Variants in C2CD3 observed in about 807,000 individuals in gnomAD.
C2CD3 encodes C2 domain-containing protein 3.
In C2CD3, 148 loss-of-function variants were observed where a neutral mutation model predicts 234.0. The observed-to-expected ratio is 0.63, with a 90% CI of 0.55 to 0.72. The LOEUF (loss-of-function observed/expected upper bound fraction) is 0.72. Ranked by LOEUF, C2CD3 falls within the 30% of genes least tolerant of loss-of-function variation. C2CD3 has a pLI of 0.00. For missense variants in C2CD3, 2,577 were observed against 2,811.5 expected (o/e 0.92, Z 1.89); for synonymous variants, 1,000 against 1,035.4 (o/e 0.97, Z 0.66).
At chr11:74,066,349 A>G (rs1416929649) in intron 24 of C2CD3, among the ~76,000 whole-genome samples, 4 of 149,760 alleles carry the variant, frequency 2.7e-5, no homozygotes, top group Non-Finnish European at 5.9e-5. Flanking sequence ...GCACATGTAT[A>G]CATATGTAAC....
chr11:74,114,173 T>C (rs1303949394), intron 10 of C2CD3, among the ~76,000 whole-genome samples: 1 of 152,232 alleles, frequency 6.6e-6, no homozygotes, highest in African/African-American at 2.4e-5. Context: ...CTGTAAGATA[T>C]GTAAGAACAG....
intron 7 of C2CD3, among the ~76,000 whole-genome samples, chr11:74,125,096 T>C (rs1282926373): frequency 6.6e-6 from 1 of 152,236 alleles, no homozygotes; most frequent in Admixed American, 6.5e-5. Flanking sequence ...AGTAGCTGAC[T>C]GACTCCTCAG....
At chr11:74,135,053 TAAAAA>T (rs768443160) in intron 5 of C2CD3, among the ~76,000 whole-genome samples, 1 of 151,826 alleles carries the variant, frequency 6.6e-6, no homozygotes, top group Non-Finnish European at 1.5e-5. Context: ...CTTAAAAACT[TAAAAA>T]AAATCCAAAA....
At chr11:74,163,313 C>T (rs1424748046) in intron 2 of C2CD3, among the ~76,000 whole-genome samples, 1 of 152,202 alleles carries the variant, frequency 6.6e-6, no homozygotes. Flanking sequence ...CTAGTACAGT[C>T]CAGTGTCTTC....
intron 14 of C2CD3, 24 bp downstream of exon 14, chr11:74,103,107 T>C: frequency 1.3e-6 from 2 of 1,586,340 alleles, no homozygotes; most frequent in Non-Finnish European, 1.7e-6. Context: ...ATTCCTCTAA[T>C]GGATATGGAA....
chr11:74,040,129 G>A (rs1952954290), intron 29 of C2CD3, among the ~76,000 whole-genome samples: 1 of 152,224 alleles, frequency 6.6e-6, no homozygotes, highest in South Asian at 2.1e-4. Context: ...TCCGCCTCCT[G>A]TCAGATCAGC....
chr11:74,066,452 G>GAAAGAAA (rs1954545049), intron 24 of C2CD3, among the ~76,000 whole-genome samples: 2 of 148,382 alleles, frequency 1.3e-5, no homozygotes, highest in Non-Finnish European at 3.0e-5. Flanking sequence ...AAGAAAGAAA[G>GAAAGAAA]AAAAAAAAAC....
At chr11:74,111,951 CACACACACACACACACACAT>C (rs933575634) in intron 11 of C2CD3, among the ~76,000 whole-genome samples, 4 of 147,614 alleles carry the variant, frequency 2.7e-5, no homozygotes, top group African/African-American at 1.0e-4. Context: ...CACACACACA[CACACACACACACACACACAT>C]ATATATATAC....
chr11:74,065,614 G>T (rs1177115940), intron 24 of C2CD3, among the ~76,000 whole-genome samples: 1 of 152,016 alleles, frequency 6.6e-6, no homozygotes. Flanking sequence ...ACATGCACAC[G>T]TATGTTTATT....
chr11:74,149,978 T>C (rs1346805704), intron 3 of C2CD3, among the ~76,000 whole-genome samples: 2 of 152,186 alleles, frequency 1.3e-5, no homozygotes, highest in African/African-American at 4.8e-5. Flanking sequence ...CTAATGTGGC[T>C]ATTGAGAAGT....
intron 31 of C2CD3, among the ~76,000 whole-genome samples, chr11:74,031,407 G>A (rs1025074960): frequency 6.6e-5 from 10 of 152,148 alleles, no homozygotes; most frequent in Non-Finnish European, 1.0e-4. Context: ...TTCACCCAGC[G>A]AGGCCTCTGC....
intron 19 of C2CD3, 136 bp downstream of exon 19, chr11:74,092,280 C>T: frequency 1.5e-6 from 1 of 680,222 alleles, no homozygotes. Flanking sequence ...GTCTCGAACT[C>T]CTGACCTCAG....
At chr11:74,156,776 C>A (rs1856056969) in intron 3 of C2CD3, among the ~76,000 whole-genome samples, 1 of 152,196 alleles carries the variant, frequency 6.6e-6, no homozygotes, top group South Asian at 2.1e-4. Flanking sequence ...TTGAGACCAG[C>A]CTGGCCAACA....
chr11:74,092,760 C>G (rs1279427548), intron 18 of C2CD3, among the ~76,000 whole-genome samples, 172 bp from the exon 19 acceptor site: 1 of 147,116 alleles, frequency 6.8e-6, no homozygotes, highest in African/African-American at 2.5e-5. Flanking sequence ...GGAGGAGGAA[C>G]TCCATAAATT....
chr11:74,051,758 T>C (rs1007728341), intron 26 of C2CD3, among the ~76,000 whole-genome samples: 3 of 152,236 alleles, frequency 2.0e-5, no homozygotes, highest in Non-Finnish European at 4.4e-5. Flanking sequence ...TGTCTAATCA[T>C]ACTATACTGT....
rs1277050193 is a variant in C2CD3, at chr11:74,057,395, A to G, written c.5090+11T>C. ...ATTCTGGAAGGCTGACGAATAACGG[A>G]TAACACAAACCTTGACTGCTGTTGA... is the stretch of plus-strand genomic sequence containing the variant. On this transcript the variant is annotated intron_variant, in intron 25 of 32. Coordinates refer to ENST00000334126, the MANE Select transcript of C2CD3 (RefSeq NM_001286577.2). 1.2e-6 allele frequency: 2 copies of G among 1,614,124 alleles called. No homozygotes were observed. The highest frequency in any genetic ancestry group is 8.5e-7 in the Non-Finnish European group (1 of 1,179,964).
intron 16 of C2CD3, among the ~76,000 whole-genome samples, chr11:74,096,033 C>T (rs1956092760): frequency 6.6e-6 from 1 of 152,284 alleles, no homozygotes; most frequent in Admixed American, 6.5e-5. Context: ...GTAAGGACTA[C>T]TTTGGGAGGT....
intron 29 of C2CD3, among the ~76,000 whole-genome samples, chr11:74,038,894 A>G (rs895648750): frequency 2.6e-5 from 4 of 152,180 alleles, no homozygotes; most frequent in African/African-American, 9.7e-5. Context: ...TCCTTAGTAC[A>G]CTCAATGTGC....
At chr11:74,029,694 C>T (rs576167980) in intron 31 of C2CD3, among the ~76,000 whole-genome samples, 5 of 152,328 alleles carry the variant, frequency 3.3e-5, no homozygotes, top group Admixed American at 6.5e-5. Flanking sequence ...TCTTTCCCAG[C>T]CCATTGCCTC....
Sources: allele counts gnomAD v4.1 joint callset (sites outside exome capture counted in the v4.1 genomes callset), GRCh38; gene constraint gnomAD v4.1.1; transcripts MANE v1.5; gene names NCBI Gene and HGNC (gene_info 2026-07-23, HGNC 2026-07-21).